The following AP3B1 variants were observed in gnomAD, a reference collection of about 807,000 sequenced individuals.
The protein encoded by AP3B1 is adaptor related protein complex 3 subunit beta 1.
A neutral mutation model predicts 132.5 loss-of-function variants in AP3B1; 61 were observed. That is an observed-to-expected ratio of 0.46 (90% confidence interval 0.37 to 0.57). The LOEUF (loss-of-function observed/expected upper bound fraction) is 0.57. Ranked by LOEUF, AP3B1 falls within the 20% of genes least tolerant of loss-of-function variation. The pLI, the probability that AP3B1 is intolerant of heterozygous loss-of-function variation, is 0.00. For synonymous variants in AP3B1, 388 were observed against 438.3 expected (o/e 0.89, Z 1.43); for missense variants, 1,120 against 1,289.4 (o/e 0.87, Z 2.01).
At chr5:78,168,884 T>C (rs936603279) in intron 11 of AP3B1, among the ~76,000 whole-genome samples, 41 of 152,094 alleles carry the variant, frequency 2.7e-4, no homozygotes, top group South Asian at 1.0e-3. Context: ...TTAACTTATA[T>C]GACCTTGACA....
chr5:78,242,367 C>T (rs949315384), intron 2 of AP3B1, among the ~76,000 whole-genome samples: 1 of 152,040 alleles, frequency 6.6e-6, no homozygotes, highest in Non-Finnish European at 1.5e-5. Flanking sequence ...ACAGCCATCT[C>T]CTAACACCTG....
At chr5:78,053,467 G>A (rs192782552) in intron 22 of AP3B1, among the ~76,000 whole-genome samples, 7 of 152,104 alleles carry the variant, frequency 4.6e-5, no homozygotes, top group African/African-American at 1.2e-4. Flanking sequence ...GGATCACGAG[G>A]TCAGGAGTTC....
Position 78,039,034 on chromosome 5 carries a change from A to G in AP3B1, c.2809+9T>C. ...ATAGTTAAGGTTTTAAATGAGAATT[A>G]ATATTTACCTATTGGATTAAAAACA... On this transcript the variant is annotated intron_variant, in intron 23 of 26. Coordinates refer to ENST00000255194, the MANE Select transcript of AP3B1 (RefSeq NM_003664.5). The G allele has an allele frequency of 6.8e-7, 1 of 1,475,658 alleles. No individual in the cohort carries two copies. The highest frequency in any genetic ancestry group is 9.5e-7 in the Non-Finnish European group (1 of 1,057,158). The allele number at this position is 1,475,658 out of a possible 1,614,324, so 91.4% of individuals were successfully genotyped here.
At chr5:78,279,256 G>A (rs1453478618) in intron 1 of AP3B1, among the ~76,000 whole-genome samples, 2 of 152,100 alleles carry the variant, frequency 1.3e-5, no homozygotes, top group East Asian at 1.9e-4. Context: ...CTAACTCACC[G>A]CTAACATGTC....
intron 20 of AP3B1, among the ~76,000 whole-genome samples, chr5:78,108,922 C>G (rs1237089437): frequency 6.6e-6 from 1 of 152,082 alleles, no homozygotes; most frequent in East Asian, 1.9e-4. Flanking sequence ...ATAACTTCTA[C>G]CACTTGACAC....
intron 1 of AP3B1, among the ~76,000 whole-genome samples, chr5:78,280,804 G>GGAAATCTCAATAAA (rs1179991448): frequency 3.9e-5 from 6 of 152,156 alleles, no homozygotes; most frequent in Non-Finnish European, 8.8e-5. Flanking sequence ...CTTTGTCCCT[G>GGAAATCTCAATAAA]ATGCACTTGG....
chr5:78,131,882 G>C (rs1331151747), intron 15 of AP3B1, among the ~76,000 whole-genome samples: 1 of 152,012 alleles, frequency 6.6e-6, no homozygotes, highest in African/African-American at 2.4e-5. Flanking sequence ...ATTTACTAGT[G>C]ACACTTTAAA....
intron 2 of AP3B1, among the ~76,000 whole-genome samples, chr5:78,244,016 A>G (rs1156921517): frequency 6.6e-6 from 1 of 152,232 alleles, no homozygotes; most frequent in Non-Finnish European, 1.5e-5. Flanking sequence ...AGGCTACAGC[A>G]ATTATGCAGA....
intron 22 of AP3B1, among the ~76,000 whole-genome samples, chr5:78,055,140 G>A (rs1231747232): frequency 3.9e-5 from 6 of 152,072 alleles, no homozygotes; most frequent in South Asian, 2.1e-4. Context: ...TGGAGAGAAC[G>A]TGATTTACTA....
intron 20 of AP3B1, among the ~76,000 whole-genome samples, chr5:78,108,642 A>G (rs1751444516): frequency 6.6e-6 from 1 of 152,230 alleles, no homozygotes. Flanking sequence ...GGTTTTTTAT[A>G]CTGACGTTCT....
chr5:78,137,682 T>C (rs1385283820), intron 15 of AP3B1, among the ~76,000 whole-genome samples: 1 of 152,216 alleles, frequency 6.6e-6, no homozygotes, highest in Non-Finnish European at 1.5e-5. Flanking sequence ...TCTTGTATTT[T>C]TCTGGAGTTT....
chr5:78,009,595 TG>T (rs1287578179), intron 26 of AP3B1, among the ~76,000 whole-genome samples: 3 of 152,224 alleles, frequency 2.0e-5, no homozygotes, highest in Non-Finnish European at 4.4e-5. Flanking sequence ...TGGTTGCCAA[TG>T]GATACACTGT....
intron 1 of AP3B1, among the ~76,000 whole-genome samples, chr5:78,292,074 G>A (rs2112602599): frequency 6.6e-6 from 1 of 152,248 alleles, no homozygotes; most frequent in Middle Eastern, 3.4e-3. Context: ...CTGCAAAAGG[G>A]TAGCTCTCTG....
intron 24 of AP3B1, among the ~76,000 whole-genome samples, chr5:78,028,934 T>G (rs1042756295): frequency 3.3e-5 from 5 of 152,224 alleles, no homozygotes; most frequent in Non-Finnish European, 7.3e-5. Flanking sequence ...CTTTGTCATC[T>G]TTCTCCTCTC....
chr5:78,261,065 C>T (rs758945514), intron 2 of AP3B1, among the ~76,000 whole-genome samples: 7 of 152,158 alleles, frequency 4.6e-5, no homozygotes, highest in South Asian at 4.1e-4. Flanking sequence ...AATGCTGCTA[C>T]GAACACTGAT....
intron 22 of AP3B1, among the ~76,000 whole-genome samples, chr5:78,085,771 T>C (rs1270411108): frequency 6.6e-6 from 1 of 152,164 alleles, no homozygotes; most frequent in Non-Finnish European, 1.5e-5. Context: ...GAACGTGACA[T>C]TTCTGTAACC....
chr5:78,106,670 T>C (rs1751353561), intron 20 of AP3B1, among the ~76,000 whole-genome samples: 1 of 152,124 alleles, frequency 6.6e-6, no homozygotes, highest in African/African-American at 2.4e-5. Context: ...TCTATGCAGG[T>C]AATGAAGAGC....
intron 25 of AP3B1, among the ~76,000 whole-genome samples, chr5:78,017,106 A>C (rs1746891360): frequency 6.6e-6 from 1 of 152,090 alleles, no homozygotes; most frequent in Non-Finnish European, 1.5e-5. Flanking sequence ...GCATTGCTTC[A>C]TATTTAACCT....
chr5:78,158,039 A>G (rs1479204008), intron 13 of AP3B1, among the ~76,000 whole-genome samples: 1 of 152,172 alleles, frequency 6.6e-6, no homozygotes, highest in Non-Finnish European at 1.5e-5. Context: ...GTGAGCCACC[A>G]TGCCCGGCCT....
Sources: gnomAD v4.1 joint callset for allele counts (sites outside exome capture counted in the v4.1 genomes callset) on GRCh38, gnomAD v4.1.1 for gene constraint, MANE v1.5 for transcripts, NCBI Gene and HGNC (gene_info 2026-07-23, HGNC 2026-07-21) for gene names.